TARBP1: variants seen among roughly 807,000 people sequenced by gnomAD.
TARBP1 encodes tRNA guanosine 2 -O-methyltransferase TARBP1.
A neutral mutation model predicts 178.6 loss-of-function variants in TARBP1; 144 were observed. The observed-to-expected ratio is 0.81, with a 90% confidence interval of 0.70 to 0.93. The LOEUF (loss-of-function observed/expected upper bound fraction) is 0.93. Among genes scored for constraint, TARBP1 ranks in the 40% least tolerant of loss-of-function variants. TARBP1 has a pLI of 0.00. For missense variants in TARBP1, 2,067 were observed against 2,011.7 expected (o/e 1.03, Z -0.53); for synonymous variants, 787 against 781.0 (o/e 1.01, Z -0.13).
At chr1:234,394,067 T>C (rs1238561366) in intron 26 of TARBP1, among the ~76,000 whole-genome samples, 4 of 152,312 alleles carry the variant, frequency 2.6e-5, no homozygotes, top group East Asian at 1.9e-4. Context: ...CAACATATTA[T>C]GATACTTCAT....
intron 20 of TARBP1, among the ~76,000 whole-genome samples, chr1:234,424,825 G>T (rs1478420210): frequency 6.6e-6 from 1 of 152,154 alleles, no homozygotes; most frequent in Admixed American, 6.5e-5. Flanking sequence ...ACTCTGGGAG[G>T]CCAAGGAGGG....
chr1:234,406,528 A>AGAT (rs1279361535), intron 23 of TARBP1: 2 of 182,016 alleles, frequency 1.1e-5, no homozygotes, highest in Admixed American at 1.1e-4. Flanking sequence ...TCCTAGAGCA[A>AGAT]GATACCACAC....
chr1:234,478,490 G>A lies in TARBP1; in HGVS notation c.614C>T (p.Ala205Val), dbSNP rs986216043. 6 of 1,380,320 alleles carry A rather than the reference G, an allele frequency of 4.3e-6. No homozygotes were observed. The highest frequency in any genetic ancestry group is 5.6e-6 in the Non-Finnish European group (6 of 1,064,164). The allele number at this position is 1,380,320 out of a possible 1,614,324, so 85.5% of individuals were successfully genotyped here. ...CCCGCCCCACACGGCCCGCAGCGCC[G>A]CCCCGCCACATTGGACCAGCACTGG... ...LLPVLVQCGGAALRAVWGGLA... is the reference protein window; with the variant it reads ...LLPVLVQCGGVALRAVWGGLA... Residue 205 changes from alanine (A) to valine (V), a missense_variant, in exon 1 of 30, where the codon GCG (alanine) becomes GTG (valine). Coordinates refer to ENST00000040877, the MANE Select transcript of TARBP1 (RefSeq NM_005646.4).
Position 234,467,490 on chromosome 1 carries a change from G to T in TARBP1, c.1248+12C>A. 6.4e-7 allele frequency: 1 copy of T among 1,572,006 alleles called. No individual in the cohort carries two copies. The highest frequency in any genetic ancestry group is 1.2e-5 in the South Asian group (1 of 83,054). On this transcript the variant is annotated intron_variant, in intron 4 of 29. Transcript: ENST00000040877. ...AACAATGGGAGCAAGGAAGGGGACA[G>T]GGTGTCATTACCTCAGAAAATTCTG...
chr1:234,410,318 C>T (rs1572236525), intron 23 of TARBP1, 127 bp downstream of exon 23: 2 of 572,504 alleles, frequency 3.5e-6, no homozygotes, highest in Admixed American at 3.5e-5. Flanking sequence ...TGCACATTAG[C>T]AGGGCAGTGG....
chr1:234,460,364 T>C lies in TARBP1; in HGVS notation c.1432A>G (p.Thr478Ala), dbSNP rs781723222. The C allele has an allele frequency of 1.2e-6, 2 of 1,614,188 alleles. No individual in the cohort carries two copies. The highest frequency in any genetic ancestry group is 1.7e-6 in the Non-Finnish European group (2 of 1,180,036). ...GGAACAGCACACCAATGCCTACTTGTCATCTTCCGAATAAACTTCAATAGG... is the reference window on the plus strand; with the variant it reads ...GGAACAGCACACCAATGCCTACTTGCCATCTTCCGAATAAACTTCAATAGG... ...SFLLKFIRKM[T>A]SRHWCAVPIL... Residue 478 changes from threonine (T) to alanine (A), a missense_variant, in exon 7 of 30, where the codon ACA becomes GCA. Transcript: ENST00000040877.
intron 9 of TARBP1, among the ~76,000 whole-genome samples, chr1:234,452,491 G>A (rs1666884365): frequency 6.6e-6 from 1 of 152,168 alleles, no homozygotes; most frequent in African/African-American, 2.4e-5. Context: ...TCTATTTTCA[G>A]GGAATTTGGA....
rs1452451404 is a variant in TARBP1, at chr1:234,413,948, T to C, written c.3706-3417A>G. On this transcript the variant is annotated intron_variant, in intron 22 of 29. Coordinates refer to ENST00000040877, the MANE Select transcript of TARBP1 (RefSeq NM_005646.4). ...AAGGTTTCTGGTTTGTGCAACTGTA[T>C]AGATGGTGGTGGTATTCACTAGAGT... 2.6e-5 allele frequency among the ~76,000 whole-genome samples: 4 copies of C among 152,162 alleles called. No homozygotes were observed. The South Asian group carries it at 8.3e-4, about 32-fold the overall frequency.
chr1:234,405,961 C>A lies in TARBP1; in HGVS notation c.3931G>T (p.Ala1311Ser), dbSNP rs988882097. The A allele has an allele frequency of 3.1e-6, 5 of 1,614,166 alleles. No individual in the cohort carries two copies. In the East Asian group the frequency reaches 1.1e-4, roughly 36 times the overall value. Residue 1311 changes from alanine (A) to serine (S), a missense_variant, in exon 24 of 30, where the codon GCC becomes TCC. Physicochemically the swap from Ala to Ser is moderately conservative, Grantham distance 99 (BLOSUM62 1). Coordinates refer to ENST00000040877, the MANE Select transcript of TARBP1 (RefSeq NM_005646.4). ...CKVLSVEEFD[A>S]LTPVIESSLH... ...CTGGATTCAATCACAGGAGTCAGGGCATCAAATTCTTCAACACTTAACACT... is the reference window on the plus strand; with the variant it reads ...CTGGATTCAATCACAGGAGTCAGGGAATCAAATTCTTCAACACTTAACACT...
At chr1:234,440,684 C>T (rs1665502039) in intron 12 of TARBP1, among the ~76,000 whole-genome samples, 1 of 152,156 alleles carries the variant, frequency 6.6e-6, no homozygotes, top group South Asian at 2.1e-4. Context: ...CGTCCTTCAG[C>T]AAGGTTACAG....
In TARBP1 at chr1:234,427,368, G is replaced by C; in HGVS notation, c.3272C>G (p.Thr1091Ser). ...GTCATGTCCAAGGTTTTCTATGAAGGTCTGTACATCCTGAACAAGTCTTTC... is the reference window on the plus strand; with the variant it reads ...GTCATGTCCAAGGTTTTCTATGAAGCTCTGTACATCCTGAACAAGTCTTTC... ...RDQRLVQDVQTFIENLGHDCA... is the reference protein window; with the variant it reads ...RDQRLVQDVQSFIENLGHDCA... Residue 1091 changes from threonine to serine, a missense_variant, in exon 19 of 30, where the codon ACC (threonine) becomes AGC (serine). Transcript: ENST00000040877. 6.2e-7 allele frequency: 1 copy of C among 1,611,600 alleles called. No individual in the cohort carries two copies. Among genetic ancestry groups the C allele is most frequent in the East Asian group, 2.2e-5 (1 of 44,748 alleles).
intron 4 of TARBP1, 115 bp from the exon 5 acceptor site, chr1:234,465,823 CAAAG>C: frequency 2.3e-6 from 2 of 886,312 alleles, no homozygotes; most frequent in Non-Finnish European, 3.2e-6. Context: ...CTGCTATAAG[CAAAG>C]CTGATCTCTT....
At chr1:234,415,009 TA>T (rs112259002) in intron 22 of TARBP1, among the ~76,000 whole-genome samples, 1 of 150,794 alleles carries the variant, frequency 6.6e-6, no homozygotes, top group Admixed American at 6.6e-5. Context: ...ATTAGTAAAT[TA>T]AAAAAAAACT....
At chr1:234,467,684 T>C in intron 3 of TARBP1, 34 bp from the exon 4 acceptor site, 2 of 1,536,268 alleles carry the variant, frequency 1.3e-6, no homozygotes, top group Non-Finnish European at 1.7e-6. Context: ...TGACATCTGA[T>C]TCTGTCTTCA....
chr1:234,433,556 G>A lies in TARBP1; in HGVS notation c.2248C>T (p.Arg750Cys), dbSNP rs772590642. 15 of 1,610,368 alleles carry A rather than the reference G, an allele frequency of 9.3e-6. No homozygotes were observed. The highest frequency in any genetic ancestry group is 3.3e-5 in the South Asian group (3 of 90,644). The part of the protein sequence containing the change: ...NELNSVSDLD[R>C]CHLYLMVLTE... ...AACACCATCAGGTATAAATGGCAAC[G>A]ATCCAGATCTGAAACCTAAGACAAG... Residue 750 changes from arginine (R) to cysteine (C), a missense_variant, in exon 14 of 30, where the codon CGT becomes TGT. Arg to Cys is a radical substitution (Grantham distance 180). Coordinates refer to ENST00000040877, the MANE Select transcript of TARBP1 (RefSeq NM_005646.4).
chr1:234,402,611 G>A (rs1439332789), intron 24 of TARBP1, among the ~76,000 whole-genome samples: 7 of 151,464 alleles, frequency 4.6e-5, no homozygotes, highest in South Asian at 4.2e-4. Context: ...GGTCTCACTC[G>A]GTTGCCAGGC....
rs201722269 is a variant in TARBP1 at position 234,433,555 on chromosome 1, C to T, written c.2249G>A (p.Arg750His). The change falls in exon 14 of 30, where the codon CGT becomes CAT. Residue 750 changes from arginine (R) to histidine (H), a missense_variant. Physicochemically the swap from Arg to His is conservative, Grantham distance 29 (BLOSUM62 0). Coordinates refer to ENST00000040877, the MANE Select transcript of TARBP1 (RefSeq NM_005646.4). ...NELNSVSDLD[R>H]CHLYLMVLTE... Reference sequence around the variant, plus strand: ...TAACACCATCAGGTATAAATGGCAACGATCCAGATCTGAAACCTAAGACAA... The same window carrying T: ...TAACACCATCAGGTATAAATGGCAATGATCCAGATCTGAAACCTAAGACAA... 81 of 1,610,474 alleles carry T rather than the reference C, an allele frequency of 5.0e-5. 1 individual carries two copies. In the Admixed American group the frequency reaches 7.0e-4, roughly 14 times the overall value.
At chr1:234,447,673 T>C (rs1666330922) in intron 11 of TARBP1, among the ~76,000 whole-genome samples, 1 of 152,228 alleles carries the variant, frequency 6.6e-6, no homozygotes. Flanking sequence ...AAATTAACTG[T>C]ATGTCACGCA....
chr1:234,408,709 C>T (rs369091406), intron 23 of TARBP1, among the ~76,000 whole-genome samples: 1 of 152,078 alleles, frequency 6.6e-6, no homozygotes, highest in African/African-American at 2.4e-5. Flanking sequence ...ATTTCATCTC[C>T]GACCCAACCA....
Sources: gnomAD v4.1 joint callset for allele counts (sites outside exome capture counted in the v4.1 genomes callset) on GRCh38, gnomAD v4.1.1 for gene constraint, MANE v1.5 for transcripts, NCBI Gene and HGNC (gene_info 2026-07-23, HGNC 2026-07-21) for gene names.